LPP: variants seen among roughly 807,000 people sequenced by gnomAD.
LPP encodes the protein LIM domain containing preferred translocation partner in lipoma.
LPP carries 38 observed loss-of-function variants against 60.4 expected under a neutral mutation model. That is an observed-to-expected ratio of 0.63 (90% confidence interval 0.49 to 0.83). The LOEUF (loss-of-function observed/expected upper bound fraction) is 0.83. Ranked by LOEUF, LPP falls within the 40% of genes least tolerant of loss-of-function variation. The pLI is 0.00. For synonymous variants in LPP, 328 were observed against 290.8 expected (o/e 1.13, Z -1.30); for missense variants, 902 against 783.6 (o/e 1.15, Z -1.80).
At chr3:188,490,959 C>T (rs1808186732) in intron 5 of LPP, among the ~76,000 whole-genome samples, 2 of 151,834 alleles carry the variant, frequency 1.3e-5, no homozygotes, top group African/African-American at 4.8e-5. Flanking sequence ...GACGAGGTTT[C>T]ACCGTGTTAG....
At chr3:188,455,433 G>T (rs1018493708) in intron 4 of LPP, among the ~76,000 whole-genome samples, 7 of 152,128 alleles carry the variant, frequency 4.6e-5, no homozygotes, top group African/African-American at 1.4e-4. Context: ...CTGATAATAG[G>T]GTTTAATTAA....
rs151166120 is a variant in LPP, at chr3:188,758,281, C to G, written c.1241-1832C>G. ...GTTCAAGCGATTCTCCTGCCTCAGC[C>G]TCCTGAGTAGCTGTGGTTACAGGCA... On this transcript the variant is annotated intron_variant, in intron 8 of 11. Coordinates refer to ENST00000617246, the MANE Select transcript of LPP (RefSeq NM_001375462.1). 1.2e-3 allele frequency among the ~76,000 whole-genome samples: 185 copies of G among 152,248 alleles called. 1 individual carries two copies. The Middle Eastern group carries it at 0.024, about 20-fold the overall frequency.
At chr3:188,766,900 A>C (rs1161657020) in intron 9 of LPP, among the ~76,000 whole-genome samples, 2 of 152,228 alleles carry the variant, frequency 1.3e-5, no homozygotes, top group Non-Finnish European at 2.9e-5. Flanking sequence ...ATCTGTATAC[A>C]TGTGGTTACA....
chr3:188,707,433 A>T (rs1865705736), intron 7 of LPP, among the ~76,000 whole-genome samples: 1 of 152,204 alleles, frequency 6.6e-6, no homozygotes, highest in East Asian at 1.9e-4. Flanking sequence ...AAAGCCCCAA[A>T]GTCCATCATT....
chr3:188,584,694 A>G (rs1391889223), intron 6 of LPP, among the ~76,000 whole-genome samples: 1 of 150,704 alleles, frequency 6.6e-6, no homozygotes, highest in Non-Finnish European at 1.5e-5. Flanking sequence ...TCATTTCTAC[A>G]TCCTGTTCCC....
At chr3:188,645,382 C>G (rs1850923942) in intron 7 of LPP, among the ~76,000 whole-genome samples, 1 of 152,116 alleles carries the variant, frequency 6.6e-6, no homozygotes, top group Admixed American at 6.5e-5. Context: ...TCAGTCGTCT[C>G]TCCATTTGGA....
chr3:188,789,521 A>G (rs1164849426), intron 9 of LPP, among the ~76,000 whole-genome samples: 1 of 152,206 alleles, frequency 6.6e-6, no homozygotes, highest in African/African-American at 2.4e-5. Flanking sequence ...TGCATGTACT[A>G]TGATTCAAAA....
chr3:188,551,498 T>G (rs1828113520), intron 6 of LPP, among the ~76,000 whole-genome samples: 2 of 152,346 alleles, frequency 1.3e-5, no homozygotes, highest in Non-Finnish European at 2.9e-5. Flanking sequence ...TTTTAATATT[T>G]TGGATTCTTA....
chr3:188,436,608 A>G (rs1792361137), intron 4 of LPP, among the ~76,000 whole-genome samples: 1 of 152,202 alleles, frequency 6.6e-6, no homozygotes, highest in African/African-American at 2.4e-5. Context: ...GGAGAAAACA[A>G]AAGCAAAAAT....
chr3:188,240,166 G>C (rs1723497789), intron 2 of LPP: 2 of 185,178 alleles, frequency 1.1e-5, no homozygotes, highest in Admixed American at 6.2e-5. Flanking sequence ...TCTCAAGGTG[G>C]GGTTTATGTG....
Position 188,346,251 on chromosome 3 carries a change from C to CTTTTTTTTTTTTTTT in LPP, c.-10+4544_-10+4558dup, listed in dbSNP as rs1050679907. On this transcript the variant is annotated intron_variant, in intron 3 of 11. Transcript: ENST00000617246. ...CAGGGACCTGCCTAAAGTAGCAAAT[C>CTTTTTTTTTTTTTTT]TTTTTTTTTTTTTTTTTTTTTTTTT... Among the ~76,000 whole-genome samples, 9 of 88,338 alleles carry CTTTTTTTTTTTTTTT rather than the reference C, an allele frequency of 1.0e-4. 2 individuals carry two copies. Among genetic ancestry groups the CTTTTTTTTTTTTTTT allele is most frequent in the South Asian group, 4.3e-4 (1 of 2,322 alleles). The allele number at this position is 88,338 out of a possible 152,430, so 58.0% of individuals were successfully genotyped here.
chr3:188,414,709 G>T (rs1375875327), intron 4 of LPP, among the ~76,000 whole-genome samples: 1 of 152,058 alleles, frequency 6.6e-6, no homozygotes, highest in Non-Finnish European at 1.5e-5. Context: ...CGAAGTACAG[G>T]TTCTTTGCCC....
intron 9 of LPP, among the ~76,000 whole-genome samples, chr3:188,842,128 G>C (rs1760191395): frequency 6.6e-6 from 1 of 152,172 alleles, no homozygotes; most frequent in East Asian, 1.9e-4. Flanking sequence ...CCCACCACCA[G>C]TGTACAAGGG....
In LPP at chr3:188,512,632, T is replaced by C. The variant is rs997605531; in HGVS notation, c.307-12033T>C. Among the ~76,000 whole-genome samples, 5 of 152,142 alleles carry C rather than the reference T, an allele frequency of 3.3e-5. No individual in the cohort carries two copies. In the East Asian group the frequency reaches 9.7e-4, roughly 29 times the overall value. On this transcript the variant is annotated intron_variant, in intron 5 of 11. Transcript: ENST00000617246. ...CTGTACGTTTCCATGGCATGACGCT[T>C]TGCTTTATATCTCTGAGTACATGAT...
chr3:188,385,343 G>A (rs552300236), intron 3 of LPP, among the ~76,000 whole-genome samples: 2 of 152,100 alleles, frequency 1.3e-5, no homozygotes, highest in African/African-American at 4.8e-5. Context: ...TTGAGTAAGC[G>A]TGTGGGGGGG....
chr3:188,607,639 G>A (rs552926235), intron 6 of LPP, among the ~76,000 whole-genome samples: 13 of 151,362 alleles, frequency 8.6e-5, no homozygotes, highest in Admixed American at 1.3e-4. Flanking sequence ...ATTTCATTTC[G>A]TTTTTGTTTT....
At chr3:188,624,689 C>T (rs1846429165) in intron 7 of LPP, among the ~76,000 whole-genome samples, 2 of 150,470 alleles carry the variant, frequency 1.3e-5, no homozygotes, top group African/African-American at 4.9e-5. Flanking sequence ...CTCCCTCCTT[C>T]CCTTCCCTTC....
chr3:188,201,654 G>T (rs564157512), intron 1 of LPP, among the ~76,000 whole-genome samples: 2 of 152,090 alleles, frequency 1.3e-5, no homozygotes, highest in South Asian at 4.1e-4. Flanking sequence ...TTGCAGTGAG[G>T]TGAGATCATA....
In LPP at chr3:188,217,174, A is replaced by C. The variant is rs888724050; in HGVS notation, c.-189-8231A>C. The stretch of plus-strand genomic sequence containing the variant: ...ACAAAGGGCATTCTGACTGTGAGTG[A>C]GTGGGGAAGGACTCTGGGAGGTTAT... On this transcript the variant is annotated intron_variant, in intron 1 of 11. Transcript: ENST00000617246. The surrounding 1 kb of genome is among the most constrained non-coding windows in gnomAD (Gnocchi z 4.0). Among the ~76,000 whole-genome samples, 2 of 152,148 alleles carry C rather than the reference A, an allele frequency of 1.3e-5. No individual in the cohort carries two copies. Among genetic ancestry groups the C allele is most frequent in the Non-Finnish European group, 2.9e-5 (2 of 68,032 alleles).
Sources: gnomAD v4.1 joint callset for allele counts (sites outside exome capture counted in the v4.1 genomes callset) on GRCh38, gnomAD v4.1.1 for gene constraint, Gnocchi (gnomAD v3.1) non-coding constraint, MANE v1.5 for transcripts, NCBI Gene and HGNC (gene_info 2026-07-23, HGNC 2026-07-21) for gene names.